Variants in GRM5 observed in about 807,000 individuals in gnomAD.
GRM5 encodes metabotropic glutamate receptor 5.
GRM5 carries 19 observed loss-of-function variants against 83.1 expected under a neutral mutation model. The ratio of observed to expected loss-of-function variants is 0.23; its 90% CI spans 0.16 to 0.34. The LOEUF (loss-of-function observed/expected upper bound fraction) is 0.34, where lower values mean the gene tolerates loss of function less well. Among genes scored for constraint, GRM5 ranks in the 10% least tolerant of loss-of-function variants. The probability of loss-of-function intolerance (pLI) is 1.00; values close to 1 mark genes in which losing one functional copy is unlikely to be tolerated. For synonymous variants in GRM5, 675 were observed against 633.6 expected (o/e 1.07, Z -0.98); for missense variants, 1,160 against 1,588.3 (o/e 0.73, Z 4.58).
At chr11:88,549,821 A>G (rs138314142) in intron 8 of GRM5, among the ~76,000 whole-genome samples, 6 of 152,142 alleles carry the variant, frequency 3.9e-5, no homozygotes, top group Non-Finnish European at 8.8e-5. Context: ...TACCCGCTGA[A>G]CTCAATTTGA....
chr11:88,848,656 T>C (rs1482309402), intron 3 of GRM5, among the ~76,000 whole-genome samples: 1 of 152,216 alleles, frequency 6.6e-6, no homozygotes, highest in Non-Finnish European at 1.5e-5. Flanking sequence ...TGTTACCATC[T>C]CAGAAGTGCA....
chr11:88,646,238 T>C (rs1939440966), intron 4 of GRM5, among the ~76,000 whole-genome samples: 1 of 152,108 alleles, frequency 6.6e-6, no homozygotes. Context: ...TTTAACTTAA[T>C]TATTTGTAGC....
intron 1 of GRM5, among the ~76,000 whole-genome samples, chr11:89,063,198 C>G (rs1034515253): frequency 6.6e-6 from 1 of 152,232 alleles, no homozygotes; most frequent in African/African-American, 2.4e-5. Context: ...GCGCACCTGG[C>G]CTTAGAGAGC....
intron 2 of GRM5, among the ~76,000 whole-genome samples, chr11:89,035,014 C>T (rs1941352650): frequency 6.6e-6 from 1 of 151,388 alleles, no homozygotes; most frequent in African/African-American, 2.4e-5. Flanking sequence ...TAGTTATTTA[C>T]ATGTTTTTGT....
intron 2 of GRM5, among the ~76,000 whole-genome samples, chr11:88,872,436 A>C (rs1944785373): frequency 6.6e-6 from 1 of 151,552 alleles, no homozygotes; most frequent in Admixed American, 6.6e-5. Flanking sequence ...CTCCTTCAAG[A>C]CCTTTATATT....
chr11:89,026,971 G>A (rs188839459), intron 2 of GRM5, among the ~76,000 whole-genome samples: 62 of 152,234 alleles, frequency 4.1e-4, no homozygotes, highest in African/African-American at 1.5e-3. Flanking sequence ...GAAGAAAAAG[G>A]GCTTCATCCC....
chr11:88,811,022 T>C lies in GRM5; in HGVS notation c.911+38884A>G, dbSNP rs79290579. On this transcript the variant is annotated intron_variant, in intron 3 of 9. Coordinates refer to ENST00000305447, the MANE Select transcript of GRM5 (RefSeq NM_001143831.3). ...AGTATAAAGATTCTATTAGATAAGT[T>C]TTGGGCAAAGATTATCTCAGCTCTA... 1.3e-3 allele frequency among the ~76,000 whole-genome samples: 194 copies of C among 152,232 alleles called. 3 individuals carry two copies. In the East Asian group the frequency reaches 0.029, roughly 22 times the overall value.
chr11:88,668,770 C>A (rs898868530), intron 3 of GRM5, among the ~76,000 whole-genome samples: 10 of 152,168 alleles, frequency 6.6e-5, no homozygotes, highest in African/African-American at 2.2e-4. Context: ...TCTTGCAGAA[C>A]TGAAACTTTG....
chr11:88,828,927 G>T (rs917562613), intron 3 of GRM5, among the ~76,000 whole-genome samples: 1 of 151,828 alleles, frequency 6.6e-6, no homozygotes, highest in South Asian at 2.1e-4. Context: ...CTTTATGGCA[G>T]AATGTAAAAA....
chr11:88,699,057 C>T (rs562609517), intron 3 of GRM5, among the ~76,000 whole-genome samples: 17 of 151,880 alleles, frequency 1.1e-4, no homozygotes, highest in African/African-American at 2.2e-4. Flanking sequence ...ACTTAGAAAA[C>T]GAACAATTCT....
intron 7 of GRM5, 125 bp from the exon 8 acceptor site, chr11:88,568,117 G>C (rs1464186799): frequency 4.9e-6 from 3 of 615,924 alleles, no homozygotes; most frequent in African/African-American, 3.7e-5. Flanking sequence ...TCTAATTTCA[G>C]AATCTCCTGC....
intron 2 of GRM5, among the ~76,000 whole-genome samples, chr11:88,919,317 T>C (rs981408319): frequency 1.5e-5 from 2 of 131,576 alleles, no homozygotes; most frequent in African/African-American, 5.3e-5. Flanking sequence ...TCATTATATA[T>C]TGATAAAGGG....
chr11:88,776,850 TTCTC>T (rs966175901), intron 3 of GRM5, among the ~76,000 whole-genome samples: 17 of 152,304 alleles, frequency 1.1e-4, no homozygotes, highest in Admixed American at 2.6e-4. Flanking sequence ...AACTTGACCT[TTCTC>T]TCTGTCTGCC....
At chr11:88,718,283 G>A (rs1426880516) in intron 3 of GRM5, among the ~76,000 whole-genome samples, 1 of 151,834 alleles carries the variant, frequency 6.6e-6, no homozygotes. Context: ...CTTAACTCTG[G>A]CATCCAATTT....
At chr11:88,920,003 A>C (rs1006229587) in intron 2 of GRM5, among the ~76,000 whole-genome samples, 1 of 152,084 alleles carries the variant, frequency 6.6e-6, no homozygotes, top group African/African-American at 2.4e-5. Context: ...TAGAAAAATA[A>C]GGGCAAGGCA....
intron 3 of GRM5, among the ~76,000 whole-genome samples, chr11:88,847,529 G>A (rs1348337641): frequency 3.3e-5 from 5 of 152,138 alleles, no homozygotes; most frequent in African/African-American, 1.2e-4. Flanking sequence ...AAGAGAAGTT[G>A]GAGAGTACTG....
At chr11:89,015,377 G>A (rs1053991806) in intron 2 of GRM5, among the ~76,000 whole-genome samples, 2 of 152,156 alleles carry the variant, frequency 1.3e-5, no homozygotes, top group African/African-American at 4.8e-5. Context: ...CACTCGCAGG[G>A]TATCTGTTGG....
At chr11:89,035,555 TGAGGA>T (rs976537909) in intron 2 of GRM5, among the ~76,000 whole-genome samples, 27 of 151,900 alleles carry the variant, frequency 1.8e-4, no homozygotes, top group Non-Finnish European at 2.9e-5. Flanking sequence ...TTATTGTTCT[TGAGGA>T]AAGGAATGCA....
intron 2 of GRM5, among the ~76,000 whole-genome samples, chr11:88,916,135 G>T (rs1180338426): frequency 6.6e-6 from 1 of 152,128 alleles, no homozygotes; most frequent in Admixed American, 6.6e-5. Context: ...TCCAGCAATT[G>T]TTCCCCTTGC....
Sources: allele counts gnomAD v4.1 joint callset (sites outside exome capture counted in the v4.1 genomes callset), GRCh38; gene constraint gnomAD v4.1.1; transcripts MANE v1.5; gene names NCBI Gene and HGNC (gene_info 2026-07-23, HGNC 2026-07-21).